The following MINDY4 variants were observed in gnomAD, a reference collection of about 807,000 sequenced individuals.
MINDY4 encodes probable ubiquitin carboxyl-terminal hydrolase MINDY-4.
Under a neutral mutation model 87.0 loss-of-function variants are expected in MINDY4, and 68 were observed. That is an observed-to-expected ratio of 0.78 (90% CI 0.64 to 0.96). The LOEUF (loss-of-function observed/expected upper bound fraction) is 0.96. Among genes scored for constraint, MINDY4 ranks in the 40% least tolerant of loss-of-function variants. The probability of loss-of-function intolerance (pLI) is 0.00; values close to 1 mark genes in which losing one functional copy is unlikely to be tolerated. For missense variants in MINDY4, 919 were observed against 928.2 expected, an observed-to-expected ratio of 0.99 and a Z score of 0.13; for synonymous variants, 379 against 363.2, an observed-to-expected ratio of 1.04 and a Z score of -0.50.
intron 5 of MINDY4, among the ~76,000 whole-genome samples, chr7:30,794,514 T>G (rs893814750): frequency 6.6e-6 from 1 of 151,962 alleles, no homozygotes; most frequent in Non-Finnish European, 1.5e-5. Flanking sequence ...CAGGTGGGGT[T>G]AGGGGGCAGG....
chr7:30,856,059 GCA>G (rs1789559572), intron 12 of MINDY4, among the ~76,000 whole-genome samples: 1 of 152,186 alleles, frequency 6.6e-6, no homozygotes, highest in Non-Finnish European at 1.5e-5. Flanking sequence ...CACCCTCTGG[GCA>G]AGGTGTCTGG....
chr7:30,851,685 T>G lies in MINDY4; in HGVS notation c.1548-531T>G, dbSNP rs529350785. ...TTCAATTTCTCCCTGTTTTACAGAT[T>G]AGGAAACAGAAGCCCAGAGAGGGAG... On this transcript the variant is annotated intron_variant, in intron 10 of 17. Coordinates refer to ENST00000265299, the MANE Select transcript of MINDY4 (RefSeq NM_032222.3). 2.0e-5 allele frequency among the ~76,000 whole-genome samples: 3 copies of G among 152,276 alleles called. No individual in the cohort carries two copies. In the South Asian group the frequency reaches 6.2e-4, roughly 32 times the overall value.
intron 5 of MINDY4, among the ~76,000 whole-genome samples, chr7:30,806,965 G>A (rs1169862590): frequency 6.6e-6 from 1 of 152,218 alleles, no homozygotes; most frequent in Non-Finnish European, 1.5e-5. Flanking sequence ...CAAGATGCAT[G>A]GAAAGTCTAA....
At chr7:30,859,663 G>T (rs540963262) in intron 13 of MINDY4, among the ~76,000 whole-genome samples, 3 of 152,332 alleles carry the variant, frequency 2.0e-5, no homozygotes, top group Admixed American at 2.0e-4. Flanking sequence ...GACAATTGAG[G>T]CTGAGACCCA....
At position 30,839,453 on chromosome 7, in the gene MINDY4, T is replaced by C. The variant is rs1249944035; in HGVS notation, c.1356+137T>C. On this transcript the variant is annotated intron_variant, in intron 8 of 17. Transcript: ENST00000265299. ...ACCAGCCAGCCCCACATGTGCTGAG[T>C]TGTCACTTGGTGCAGGCACTTCAGA... 15 of 562,850 alleles carry C rather than the reference T, an allele frequency of 2.7e-5. No individual in the cohort carries two copies. The South Asian group carries it at 3.5e-4, about 13-fold the overall frequency. 34.9% of individuals were successfully genotyped at this position (562,850 alleles called of 1,614,324 possible). A position where few individuals can be genotyped will look rare whatever the true frequency, so the allele number is the denominator to read the frequency against.
chr7:30,836,357 T>C (rs555623547), intron 6 of MINDY4, among the ~76,000 whole-genome samples: 37 of 152,312 alleles, frequency 2.4e-4, no homozygotes, highest in African/African-American at 8.4e-4. Flanking sequence ...CTTGTTCCAC[T>C]CTATGTCCAT....
At position 30,778,058 on chromosome 7, in the gene MINDY4, C is replaced by A. The variant is rs535719474; in HGVS notation, c.64-374C>A. Among the ~76,000 whole-genome samples the A allele has an allele frequency of 1.5e-4, 23 of 152,304 alleles. No homozygotes were observed. In the South Asian group the frequency reaches 4.8e-3, roughly 32 times the overall value. On this transcript the variant is annotated intron_variant, in intron 1 of 17. Transcript: ENST00000265299. ...TTCCATTGTGTTACATTGGGCAAGT[C>A]AACCCCATCTCCTGGTTTCCCCATC...
intron 6 of MINDY4, among the ~76,000 whole-genome samples, chr7:30,833,745 A>T (rs774466806): frequency 7.9e-5 from 12 of 152,252 alleles, no homozygotes; most frequent in Non-Finnish European, 1.5e-4. Flanking sequence ...TACTTCCTAG[A>T]TACAATGGGG....
Position 30,799,996 on chromosome 7 carries a change from G to A in MINDY4, c.1073+8422G>A, listed in dbSNP as rs530880066. On this transcript the variant is annotated intron_variant, in intron 5 of 17. Transcript: ENST00000265299. ...GTGCCCCTCTTAGTCATTGGCTGTG[G>A]GCTGCCCATCCTGGAGTGGGGCGGG... 1.1e-4 allele frequency among the ~76,000 whole-genome samples: 16 copies of A among 152,240 alleles called. No individual in the cohort carries two copies. In the South Asian group the frequency reaches 3.1e-3, roughly 30 times the overall value.
At chr7:30,802,284 T>A (rs1468059452) in intron 5 of MINDY4, among the ~76,000 whole-genome samples, 2 of 151,648 alleles carry the variant, frequency 1.3e-5, no homozygotes, top group African/African-American at 4.8e-5. Context: ...AGCTACTCAC[T>A]CTCACAGTTG....
At chr7:30,869,795 C>G (rs1297917531) in intron 13 of MINDY4, among the ~76,000 whole-genome samples, 2 of 152,152 alleles carry the variant, frequency 1.3e-5, no homozygotes, top group Non-Finnish European at 2.9e-5. Flanking sequence ...GCCATTACAC[C>G]TCTCATCTTC....
chr7:30,775,431 G>T (rs2128164502), intron 1 of MINDY4, among the ~76,000 whole-genome samples: 1 of 152,332 alleles, frequency 6.6e-6, no homozygotes, highest in East Asian at 1.9e-4. Context: ...CAAGGTGTGG[G>T]TGGAGGGTCA....
intron 4 of MINDY4, among the ~76,000 whole-genome samples, chr7:30,789,545 A>C (rs1275167845): frequency 6.6e-6 from 1 of 152,230 alleles, no homozygotes; most frequent in African/African-American, 2.4e-5. Context: ...GGCTCCCTGC[A>C]GCAGCTCCAG....
rs375313491 is a variant in MINDY4 at position 30,785,954 on chromosome 7, C to G, written c.625C>G (p.Arg209Gly). ...NSRPKSGLIVRGMMSGPIASS... is the reference protein window; with the variant it reads ...NSRPKSGLIVGGMMSGPIASS... ...CAGGCCAAAGTCTGGTCTGATTGTG[C>G]GAGGCATGATGTCTGGGCCCATCGC... is the stretch of plus-strand genomic sequence containing the variant. Residue 209 changes from arginine to glycine, a missense_variant, in exon 4 of 18, where the codon CGA (arginine) becomes GGA (glycine). Arg to Gly is a moderately radical substitution (Grantham distance 125, BLOSUM62 -2). Coordinates refer to ENST00000265299, the MANE Select transcript of MINDY4 (RefSeq NM_032222.3). 21 of 1,614,144 alleles carry G rather than the reference C, an allele frequency of 1.3e-5. No individual in the cohort carries two copies. In the South Asian group the frequency reaches 2.0e-4, roughly 15 times the overall value.
chr7:30,797,240 A>C (rs1787516846), intron 5 of MINDY4, among the ~76,000 whole-genome samples: 1 of 152,232 alleles, frequency 6.6e-6, no homozygotes, highest in South Asian at 2.1e-4. Flanking sequence ...AAGCAGATTG[A>C]GTCCCTGCCC....
chr7:30,792,080 A>G (rs1584243399), intron 5 of MINDY4, among the ~76,000 whole-genome samples: 1 of 152,168 alleles, frequency 6.6e-6, no homozygotes, highest in South Asian at 2.1e-4. Context: ...CCAGAGATAC[A>G]GTGATGAATC....
At chr7:30,780,344 G>C (rs905053706) in intron 2 of MINDY4, 4 of 152,118 alleles carry the variant, frequency 2.6e-5, no homozygotes, top group African/African-American at 9.7e-5. Context: ...GTTACATTGG[G>C]CTTTTAACGT....
chr7:30,864,617 G>A (rs1789870637), intron 13 of MINDY4, among the ~76,000 whole-genome samples: 1 of 152,270 alleles, frequency 6.6e-6, no homozygotes, highest in Admixed American at 6.5e-5. Context: ...CCTGCTGGGT[G>A]CTGGGTGCCA....
intron 13 of MINDY4, among the ~76,000 whole-genome samples, chr7:30,870,427 A>G (rs1352986643): frequency 6.6e-6 from 1 of 152,114 alleles, no homozygotes; most frequent in Non-Finnish European, 1.5e-5. Flanking sequence ...CTCTGCCATG[A>G]GTCACTCCCA....
Sources: gnomAD v4.1 joint callset for allele counts (sites outside exome capture counted in the v4.1 genomes callset) on GRCh38, gnomAD v4.1.1 for gene constraint, MANE v1.5 for transcripts, NCBI Gene and HGNC (gene_info 2026-07-23, HGNC 2026-07-21) for gene names.